The following CDH9 variants were observed in gnomAD, a reference collection of about 807,000 sequenced individuals.
CDH9 encodes cadherin-9.
Under a neutral mutation model 70.9 loss-of-function variants are expected in CDH9, and 28 were observed. The observed-to-expected ratio is 0.40, with a 90% CI of 0.29 to 0.54. The LOEUF is 0.54. CDH9 is among the 20% of genes least tolerant of loss of function. The probability of loss-of-function intolerance (pLI) is 0.59; values close to 1 mark genes in which losing one functional copy is unlikely to be tolerated. For missense variants in CDH9, 874 were observed against 984.4 expected, an observed-to-expected ratio of 0.89 and a Z score of 1.50; for synonymous variants, 409 against 343.1, an observed-to-expected ratio of 1.19 and a Z score of -2.12.
At chr5:26,979,477 A>G (rs1404502535) in intron 2 of CDH9, among the ~76,000 whole-genome samples, 2 of 151,874 alleles carry the variant, frequency 1.3e-5, no homozygotes, top group Admixed American at 1.3e-4. Context: ...ACAAAGTTAT[A>G]AAGAACAACT....
At chr5:26,886,563 A>G (rs1740570455) in intron 9 of CDH9, among the ~76,000 whole-genome samples, 1 of 152,008 alleles carries the variant, frequency 6.6e-6, no homozygotes, top group Non-Finnish European at 1.5e-5. Context: ...TATTTTTAAA[A>G]TAAATAAATT....
intron 1 of CDH9, among the ~76,000 whole-genome samples, chr5:27,035,218 A>T (rs919683236): frequency 1.1e-4 from 17 of 149,698 alleles, no homozygotes; most frequent in African/African-American, 3.2e-4. Flanking sequence ...TGGATATGGA[A>T]CCTGATCTTT....
intron 9 of CDH9, among the ~76,000 whole-genome samples, chr5:26,886,566 A>C (rs947760867): frequency 3.9e-5 from 6 of 152,000 alleles, no homozygotes; most frequent in African/African-American, 1.4e-4. Context: ...TTTTAAAATA[A>C]ATAAATTTGT....
At chr5:26,912,939 C>G (rs866109335) in intron 3 of CDH9, among the ~76,000 whole-genome samples, 2 of 152,208 alleles carry the variant, frequency 1.3e-5, no homozygotes, top group African/African-American at 2.4e-5. Flanking sequence ...GTTTTAAAAA[C>G]AGGAGTTTCC....
chr5:27,008,920 C>T (rs1290579805), intron 1 of CDH9, among the ~76,000 whole-genome samples: 1 of 152,082 alleles, frequency 6.6e-6, no homozygotes, highest in Admixed American at 6.6e-5. Context: ...ACATCTCCAC[C>T]CAGAATTGAC....
chr5:26,891,671 C>A (rs1007802442), intron 7 of CDH9, among the ~76,000 whole-genome samples: 1 of 126,226 alleles, frequency 7.9e-6, no homozygotes, highest in Non-Finnish European at 1.6e-5. Context: ...GAGTGAGACT[C>A]CATCTCAAAA....
chr5:27,008,017 T>G (rs769992965), intron 1 of CDH9, among the ~76,000 whole-genome samples: 4 of 152,094 alleles, frequency 2.6e-5, no homozygotes, highest in African/African-American at 4.8e-5. Context: ...TACATAGACG[T>G]TATACATGTG....
intron 2 of CDH9, among the ~76,000 whole-genome samples, chr5:26,927,069 T>G (rs2112019238): frequency 6.6e-6 from 1 of 151,826 alleles, no homozygotes; most frequent in African/African-American, 2.4e-5. Flanking sequence ...CCAAGTGGGG[T>G]TTATTCCTGG....
chr5:26,926,081 G>T (rs1177666146), intron 2 of CDH9, among the ~76,000 whole-genome samples: 1 of 152,166 alleles, frequency 6.6e-6, no homozygotes, highest in Non-Finnish European at 1.5e-5. Context: ...AGTGTTGGAA[G>T]TTCTAGTCAG....
chr5:26,994,697 T>G (rs879788289), intron 1 of CDH9, among the ~76,000 whole-genome samples: 2 of 152,082 alleles, frequency 1.3e-5, no homozygotes, highest in Non-Finnish European at 2.9e-5. Context: ...TCCAGAATTT[T>G]CAGAAATAAA....
At chr5:26,989,459 T>C (rs1184367032) in intron 1 of CDH9, among the ~76,000 whole-genome samples, 1 of 151,930 alleles carries the variant, frequency 6.6e-6, no homozygotes, top group Non-Finnish European at 1.5e-5. Flanking sequence ...TTCCTTATCA[T>C]GAAAACTAGA....
intron 1 of CDH9, among the ~76,000 whole-genome samples, chr5:26,993,647 C>T (rs1439090130): frequency 8.3e-6 from 1 of 120,742 alleles, no homozygotes; most frequent in African/African-American, 3.3e-5. Context: ...TGAAAGAAGG[C>T]TGGTGGATTT....
At chr5:26,935,210 A>G (rs551833929) in intron 2 of CDH9, among the ~76,000 whole-genome samples, 2 of 152,328 alleles carry the variant, frequency 1.3e-5, no homozygotes, top group South Asian at 4.1e-4. Flanking sequence ...AGTAAGAGCA[A>G]GCTAAAAATA....
At chr5:26,926,806 C>T (rs1741347914) in intron 2 of CDH9, among the ~76,000 whole-genome samples, 1 of 151,820 alleles carries the variant, frequency 6.6e-6, no homozygotes, top group Non-Finnish European at 1.5e-5. Flanking sequence ...CTACAACCAT[C>T]TGATCTTTGA....
At chr5:26,917,192 A>G (rs772428895) in intron 2 of CDH9, among the ~76,000 whole-genome samples, 13 of 152,024 alleles carry the variant, frequency 8.6e-5, no homozygotes, top group African/African-American at 1.7e-4. Flanking sequence ...ATATGCTTAC[A>G]TTATAAAATT....
chr5:26,934,467 A>C (rs1366360945), intron 2 of CDH9, among the ~76,000 whole-genome samples: 1 of 152,132 alleles, frequency 6.6e-6, no homozygotes, highest in East Asian at 1.9e-4. Context: ...CCATCTCAAA[A>C]AACAAAAAAA....
chr5:26,952,116 A>C (rs1018093328), intron 2 of CDH9, among the ~76,000 whole-genome samples: 1 of 150,860 alleles, frequency 6.6e-6, no homozygotes, highest in Non-Finnish European at 1.5e-5. Context: ...GGTGCCTGTC[A>C]CCACACCTGG....
chr5:26,993,854 G>T (rs1168273186), intron 1 of CDH9, among the ~76,000 whole-genome samples: 1 of 152,110 alleles, frequency 6.6e-6, no homozygotes, highest in Non-Finnish European at 1.5e-5. Context: ...CAGGGTAGGG[G>T]TGGTCACCCA....
intron 2 of CDH9, among the ~76,000 whole-genome samples, chr5:26,972,510 C>T (rs902941050): frequency 2.0e-5 from 3 of 152,206 alleles, no homozygotes; most frequent in East Asian, 1.9e-4. Context: ...GGAACCCCCC[C>T]ACAAAAGAAA....
Sources: allele counts gnomAD v4.1 joint callset (sites outside exome capture counted in the v4.1 genomes callset), GRCh38; gene constraint gnomAD v4.1.1; transcripts MANE v1.5; gene names NCBI Gene and HGNC (gene_info 2026-07-23, HGNC 2026-07-21).